Variants in GLI3 observed in about 807,000 individuals in gnomAD.
GLI3 encodes transcription activator GLI3.
Under a neutral mutation model 100.8 loss-of-function variants are expected in GLI3, and 20 were observed. The ratio of observed to expected loss-of-function variants is 0.20; its 90% confidence interval spans 0.14 to 0.29. GLI3 has a LOEUF of 0.29. GLI3 is among the 10% of genes least tolerant of loss of function. The probability of loss-of-function intolerance (pLI) is 1.00; values close to 1 mark genes in which losing one functional copy is unlikely to be tolerated. For missense variants in GLI3, 2,040 were observed against 2,128.5 expected, an observed-to-expected ratio of 0.96 and a Z score of 0.82; for synonymous variants, 938 against 860.5, an observed-to-expected ratio of 1.09 and a Z score of -1.58.
intron 10 of GLI3, among the ~76,000 whole-genome samples, chr7:41,996,834 A>T (rs1788139596): frequency 6.6e-6 from 1 of 152,124 alleles, no homozygotes; most frequent in Non-Finnish European, 1.5e-5. Flanking sequence ...GGGGGAGGTA[A>T]CGTGATATTA....
chr7:42,261,992 C>CTTTAT (rs1789146253), intron 1 of GLI3, among the ~76,000 whole-genome samples: 1 of 137,494 alleles, frequency 7.3e-6, no homozygotes, highest in South Asian at 2.4e-4. Flanking sequence ...TTCTTTCTTT[C>CTTTAT]TTTCTTTCTT....
intron 3 of GLI3, among the ~76,000 whole-genome samples, chr7:42,127,939 G>T (rs751444112): frequency 4.0e-5 from 6 of 151,002 alleles, no homozygotes; most frequent in Non-Finnish European, 5.9e-5. Flanking sequence ...TTGAACCCAG[G>T]AGGCAGGAGG....
chr7:42,180,415 A>C (rs1467802811), intron 2 of GLI3, among the ~76,000 whole-genome samples: 1 of 152,242 alleles, frequency 6.6e-6, no homozygotes, highest in East Asian at 1.9e-4. Flanking sequence ...GCTTACACAC[A>C]GAGGAGCCAG....
At chr7:42,235,833 C>T (rs1319641829) in intron 1 of GLI3, among the ~76,000 whole-genome samples, 1 of 152,108 alleles carries the variant, frequency 6.6e-6, no homozygotes, top group African/African-American at 2.4e-5. Context: ...GAACAGCTGG[C>T]AAAGAGCTGG....
intron 5 of GLI3, among the ~76,000 whole-genome samples, chr7:42,047,489 A>C (rs541986382): frequency 6.6e-6 from 1 of 152,354 alleles, no homozygotes; most frequent in South Asian, 2.1e-4. Flanking sequence ...TCTCTTGCAA[A>C]GAATTCAGAG....
At chr7:41,989,770 C>T (rs757520164) in intron 10 of GLI3, among the ~76,000 whole-genome samples, 7 of 151,980 alleles carry the variant, frequency 4.6e-5, no homozygotes, top group Non-Finnish European at 1.0e-4. Context: ...CAGTGGCTCA[C>T]ACCTGTAATC....
intron 14 of GLI3, 95 bp downstream of exon 14, chr7:41,967,501 G>C: frequency 1.2e-6 from 1 of 865,312 alleles, no homozygotes; most frequent in Non-Finnish European, 1.9e-6. Flanking sequence ...TTTTAGGACT[G>C]GTGGAGAAAC....
rs191932361 is a variant in GLI3 at position 42,252,819 on chromosome 7, T to G, written c.-43+11175A>C. Among the ~76,000 whole-genome samples the G allele has an allele frequency of 3.7e-4, 56 of 152,280 alleles. 3 individuals are homozygous for G. In the South Asian group the frequency reaches 0.011, roughly 29 times the overall value. ...TAGGCTTCAAATGGTTACAGGGAAC[T>G]TCCAATTAAGAGTTTTTAATGTCCA... On this transcript the variant is annotated intron_variant, in intron 1 of 2. Coordinates refer to the GLI3 transcript ENST00000678978.
chr7:42,184,028 G>A (rs111622949), intron 2 of GLI3, among the ~76,000 whole-genome samples: 4 of 152,318 alleles, frequency 2.6e-5, no homozygotes, highest in African/African-American at 7.2e-5. Context: ...TGTAAAATGG[G>A]GAGGGATAAT....
intron 2 of GLI3, among the ~76,000 whole-genome samples, chr7:42,203,433 C>G (rs559675452): frequency 6.6e-6 from 1 of 152,296 alleles, no homozygotes; most frequent in South Asian, 2.1e-4. Context: ...TACCATTCTA[C>G]TCTCTACTTC....
At chr7:42,106,939 T>C (rs1785590263) in intron 3 of GLI3, among the ~76,000 whole-genome samples, 2 of 152,112 alleles carry the variant, frequency 1.3e-5, no homozygotes, top group African/African-American at 4.8e-5. Flanking sequence ...GCGGATATTT[T>C]TTCCATTTCT....
At chr7:42,193,551 C>T (rs1787869813) in intron 2 of GLI3, among the ~76,000 whole-genome samples, 1 of 152,092 alleles carries the variant, frequency 6.6e-6, no homozygotes, top group Admixed American at 6.5e-5. Context: ...TTAATTTGTT[C>T]TCAGGTGGGA....
chr7:42,260,061 C>G (rs1789123484), intron 1 of GLI3, among the ~76,000 whole-genome samples: 2 of 152,038 alleles, frequency 1.3e-5, no homozygotes, highest in Admixed American at 1.3e-4. Flanking sequence ...CCTGTATCCC[C>G]AAAGAAAATA....
chr7:42,207,129 T>C (rs140598376), intron 2 of GLI3, among the ~76,000 whole-genome samples: 1 of 152,264 alleles, frequency 6.6e-6, no homozygotes, highest in African/African-American at 2.4e-5. Context: ...AAAGCTAATA[T>C]ATGCATACCC....
At chr7:42,143,888 A>C (rs1408917559) in intron 3 of GLI3, among the ~76,000 whole-genome samples, 1 of 152,200 alleles carries the variant, frequency 6.6e-6, no homozygotes, top group Non-Finnish European at 1.5e-5. Context: ...GGAGACCTGA[A>C]ATTTTTTAAA....
chr7:42,043,678 G>A (rs1013719085), intron 6 of GLI3, among the ~76,000 whole-genome samples: 2 of 152,140 alleles, frequency 1.3e-5, no homozygotes, highest in Non-Finnish European at 2.9e-5. Flanking sequence ...CATATACTCA[G>A]GCAAATTAAA....
At chr7:42,257,469 C>A (rs866429325) in intron 1 of GLI3, among the ~76,000 whole-genome samples, 6 of 151,736 alleles carry the variant, frequency 4.0e-5, no homozygotes, top group South Asian at 4.2e-4. Context: ...CTCAGCCTCC[C>A]GAGTAGCTGG....
chr7:41,987,095 G>GACACACACACACACACACACAC lies in GLI3; in HGVS notation c.1498-8348_1498-8347insGTGTGTGTGTGTGTGTGTGTGT, dbSNP rs1323125464. Among the ~76,000 whole-genome samples, 5 of 73,324 alleles carry GACACACACACACACACACACAC rather than the reference G, an allele frequency of 6.8e-5. No homozygotes were observed. The South Asian group carries it at 2.4e-3, about 36-fold the overall frequency. 48.1% of individuals were successfully genotyped at this position (73,324 alleles called of 152,430 possible). On this transcript the variant is annotated intron_variant, in intron 10 of 14. Transcript: ENST00000395925. ...TTCTGCTACAACATACACAGACACA[G>GACACACACACACACACACACAC]ACACAGACACACACACACACACACA...
Position 41,999,692 on chromosome 7 carries a change from C to T in GLI3, c.1498-20944G>A, listed in dbSNP as rs147401242. On this transcript the variant is annotated intron_variant, in intron 10 of 14. Coordinates refer to ENST00000395925, the MANE Select transcript of GLI3 (RefSeq NM_000168.6). ...AGAACAAGTGGGGGCCACTCCTTGG[C>T]GACCTTGAATTTGATAACATCCAAA... is the stretch of plus-strand genomic sequence containing the variant. Among the ~76,000 whole-genome samples, 830 of 152,256 alleles carry T rather than the reference C, an allele frequency of 5.5e-3. 5 individuals carry two copies. The highest frequency in any genetic ancestry group is 0.018 in the African/African-American group (761 of 41,544).
Sources: allele counts gnomAD v4.1 joint callset (sites outside exome capture counted in the v4.1 genomes callset), GRCh38; gene constraint gnomAD v4.1.1; transcripts MANE v1.5; gene names NCBI Gene and HGNC (gene_info 2026-07-23, HGNC 2026-07-21).